SLC9A4: variants seen among roughly 807,000 people sequenced by gnomAD.
SLC9A4 encodes solute carrier family 9 member A4, also known as sodium/hydrogen exchanger 4.
A neutral mutation model predicts 67.4 loss-of-function variants in SLC9A4; 63 were observed. The observed-to-expected ratio is 0.93, with a 90% CI of 0.76 to 1.15. The LOEUF (loss-of-function observed/expected upper bound fraction) is 1.15, where lower values mean the gene tolerates loss of function less well. Ranked by LOEUF, SLC9A4 falls within the 50% of genes most tolerant of loss-of-function variation. SLC9A4 has a pLI of 0.00. For synonymous variants in SLC9A4, 393 were observed against 367.2 expected (o/e 1.07, Z -0.80); for missense variants, 1,089 against 987.7 (o/e 1.10, Z -1.38).
At position 102,533,861 on chromosome 2, in the gene SLC9A4, TA is replaced by T. The variant is rs1169634587; in HGVS notation, c.*1174del. The T allele has an allele frequency of 1.3e-5, 2 of 151,412 alleles. No homozygotes were observed. Among genetic ancestry groups the T allele is most frequent in the African/African-American group, 4.9e-5 (2 of 41,196 alleles). 9.4% of individuals were successfully genotyped at this position (151,412 alleles called of 1,614,324 possible). On this transcript the variant is annotated 3_prime_UTR_variant, in exon 12 of 12. Coordinates refer to ENST00000295269, the MANE Select transcript of SLC9A4 (RefSeq NM_001011552.4). ...TGGCTGCATGGTATTCCATGGTGTA[TA>T]TGTGCCACATTTTCTTAATCCAGTC...
intron 7 of SLC9A4, 30 bp downstream of exon 7, chr2:102,512,303 C>A (rs970331809): frequency 6.2e-7 from 1 of 1,607,752 alleles, no homozygotes; most frequent in Non-Finnish European, 8.5e-7. Flanking sequence ...CACTCCCTGA[C>A]AAACTTCTAA....
chr2:102,479,427 C>A, intron 2 of SLC9A4, 125 bp downstream of exon 2: 1 of 1,015,810 alleles, frequency 9.8e-7, no homozygotes, highest in Non-Finnish European at 1.4e-6. Flanking sequence ...GAGCTTCAGC[C>A]CATGCGGTGT....
intron 8 of SLC9A4, among the ~76,000 whole-genome samples, chr2:102,517,211 C>T (rs1558670883): frequency 6.6e-6 from 1 of 152,160 alleles, no homozygotes; most frequent in Non-Finnish European, 1.5e-5. Flanking sequence ...TAAGCAGCTG[C>T]ACACAGGGCT....
At chr2:102,530,253 C>T (rs1558676424) in intron 11 of SLC9A4, among the ~76,000 whole-genome samples, 1 of 152,176 alleles carries the variant, frequency 6.6e-6, no homozygotes, top group African/African-American at 2.4e-5. Flanking sequence ...TTCCTTATTT[C>T]TCCTTTCATG....
intron 8 of SLC9A4, among the ~76,000 whole-genome samples, chr2:102,517,407 A>C (rs1250067205): frequency 1.3e-5 from 2 of 152,206 alleles, no homozygotes; most frequent in African/African-American, 4.8e-5. Context: ...TTATAGTAGA[A>C]TTGAAGCTTC....
Position 102,473,963 on chromosome 2 carries a change from A to C in SLC9A4, c.204A>C (p.Gln68His), listed in dbSNP as rs1211284051. ...SVFELDYDYV[Q>H]IPYEVTLWIL... ...TTGAACTGGATTATGACTATGTGCA[A>C]ATTCCTTATGAGGTCACTCTCTGGA... Residue 68 changes from glutamine to histidine, a missense_variant, in exon 1 of 12, where the codon CAA becomes CAC. Gln to His is a conservative substitution (Grantham distance 24). Transcript: ENST00000295269. 6.2e-7 allele frequency: 1 copy of C among 1,614,060 alleles called. No individual in the cohort carries two copies. Among genetic ancestry groups the C allele is most frequent in the South Asian group, 1.1e-5 (1 of 91,074 alleles).
chr2:102,499,549 ATGTGTCTGTTGCTTG>A (rs1438876761), intron 2 of SLC9A4, among the ~76,000 whole-genome samples: 1 of 151,920 alleles, frequency 6.6e-6, no homozygotes, highest in African/African-American at 2.4e-5. Context: ...TGTCTGTTGC[ATGTGTCTGTTGCTTG>A]TGTGTCTGTT....
intron 2 of SLC9A4, among the ~76,000 whole-genome samples, chr2:102,500,247 G>A (rs538354736): frequency 2.2e-4 from 33 of 152,246 alleles, no homozygotes; most frequent in African/African-American, 3.6e-4. Flanking sequence ...ACCTAGGAAC[G>A]GTGAGGACTG....
chr2:102,510,462 A>G (rs1244011461), intron 6 of SLC9A4, among the ~76,000 whole-genome samples: 8 of 152,210 alleles, frequency 5.3e-5, no homozygotes, highest in Admixed American at 5.2e-4. Context: ...TTTCTTCATC[A>G]GGGAAGCCTC....
chr2:102,494,946 C>T (rs969792762), intron 2 of SLC9A4, among the ~76,000 whole-genome samples: 6 of 152,024 alleles, frequency 3.9e-5, no homozygotes, highest in African/African-American at 1.4e-4. Context: ...AAAATATTAG[C>T]AAGGCATGGA....
rs746464265 is a variant in SLC9A4, at chr2:102,473,991, C to A, written c.232C>A (p.Leu78Ile). ...QIPYEVTLWI[L>I]LASLAKIGFH... is the part of the protein sequence containing the mutation. ...TCCTTATGAGGTCACTCTCTGGATA[C>A]TTCTAGCATCCCTTGCAAAAATAGG... The change falls in exon 1 of 12, where the codon CTT (leucine) becomes ATT (isoleucine). Residue 78 changes from leucine (L) to isoleucine (I), a missense_variant. By Grantham distance (5) the Leu-to-Ile change is conservative. Coordinates refer to ENST00000295269, the MANE Select transcript of SLC9A4 (RefSeq NM_001011552.4). The A allele has an allele frequency of 6.2e-7, 1 of 1,613,646 alleles. No individual in the cohort carries two copies. Among genetic ancestry groups the A allele is most frequent in the Non-Finnish European group, 8.5e-7 (1 of 1,179,724 alleles).
At chr2:102,483,258 G>T (rs1214052263) in intron 2 of SLC9A4, among the ~76,000 whole-genome samples, 1 of 152,188 alleles carries the variant, frequency 6.6e-6, no homozygotes, top group Non-Finnish European at 1.5e-5. Flanking sequence ...GTGTGCACTG[G>T]CACTGCTGGG....
intron 2 of SLC9A4, among the ~76,000 whole-genome samples, chr2:102,482,451 TGGACTA>T (rs1684486637): frequency 6.6e-6 from 1 of 152,222 alleles, no homozygotes; most frequent in Non-Finnish European, 1.5e-5. Context: ...CAGACGACAC[TGGACTA>T]GTCTCTGAGA....
intron 2 of SLC9A4, among the ~76,000 whole-genome samples, chr2:102,481,044 A>T (rs1275707370): frequency 1.3e-5 from 2 of 152,186 alleles, no homozygotes; most frequent in Non-Finnish European, 2.9e-5. Flanking sequence ...CCTTCTACTC[A>T]GGAAGAAGCA....
At position 102,526,313 on chromosome 2, in the gene SLC9A4, G is replaced by A; in HGVS notation, c.2005G>A (p.Ala669Thr). 1 of 1,613,846 alleles carries A rather than the reference G, an allele frequency of 6.2e-7. No individual in the cohort carries two copies. The change falls in exon 11 of 12, where the codon GCA becomes ACA. Residue 669 changes from alanine (A) to threonine (T), a missense_variant. Transcript: ENST00000295269. ...LSYPYGNPQS[A>T]GRDTRAAGFS... Reference sequence around the variant, plus strand: ...CTACCCCTACGGGAATCCTCAGTCTGCAGGAAGAGACACAAGGGCTGCTGG... The same window carrying A: ...CTACCCCTACGGGAATCCTCAGTCTACAGGAAGAGACACAAGGGCTGCTGG...
At chr2:102,490,144 A>G (rs190801888) in intron 2 of SLC9A4, among the ~76,000 whole-genome samples, 1 of 151,700 alleles carries the variant, frequency 6.6e-6, no homozygotes, top group Non-Finnish European at 1.5e-5. Flanking sequence ...GTCAGTAATT[A>G]GTTAGGCTTT....
At chr2:102,502,908 C>T (rs896403667) in intron 2 of SLC9A4, among the ~76,000 whole-genome samples, 4 of 152,204 alleles carry the variant, frequency 2.6e-5, no homozygotes, top group Non-Finnish European at 4.4e-5. Flanking sequence ...TATCACCAGG[C>T]CAAAGCCGCA....
chr2:102,497,093 C>T (rs1462636051), intron 2 of SLC9A4, among the ~76,000 whole-genome samples: 1 of 152,168 alleles, frequency 6.6e-6, no homozygotes, highest in East Asian at 1.9e-4. Context: ...CCATCACACC[C>T]AGCTAATTTT....
At chr2:102,500,870 A>T (rs12712154) in intron 2 of SLC9A4, among the ~76,000 whole-genome samples, 2 of 151,956 alleles carry the variant, frequency 1.3e-5, no homozygotes, top group South Asian at 2.1e-4. Flanking sequence ...ACTGTTCATG[A>T]TTATGAACAA....
Sources: allele counts gnomAD v4.1 joint callset (sites outside exome capture counted in the v4.1 genomes callset), GRCh38; gene constraint gnomAD v4.1.1; transcripts MANE v1.5; gene names NCBI Gene and HGNC (gene_info 2026-07-23, HGNC 2026-07-21).